Variants in ZFAT observed in about 807,000 individuals in gnomAD.
ZFAT encodes the protein zinc finger and AT-hook domain containing.
Under a neutral mutation model 117.7 loss-of-function variants are expected in ZFAT, and 64 were observed. That is an observed-to-expected ratio of 0.54 (90% confidence interval 0.44 to 0.67). The LOEUF is 0.67. Ranked by LOEUF, ZFAT falls within the 30% of genes least tolerant of loss-of-function variation. The pLI is 0.00. For synonymous variants in ZFAT, 679 were observed against 615.0 expected (o/e 1.10, Z -1.54); for missense variants, 1,433 against 1,584.5 (o/e 0.90, Z 1.62).
intron 1 of ZFAT, among the ~76,000 whole-genome samples, chr8:134,684,825 C>T (rs1833242204): frequency 6.6e-6 from 1 of 152,100 alleles, no homozygotes; most frequent in Admixed American, 6.5e-5. Flanking sequence ...CCTCAAAGTG[C>T]CAGATTCCAG....
chr8:134,761,686 G>C, the ZFAT span, among the ~76,000 whole-genome samples: 1 of 151,426 alleles, frequency 6.6e-6, no homozygotes, highest in Non-Finnish European at 1.5e-5. Flanking sequence ...GCGACAAAGC[G>C]AGACTCCGTT....
chr8:134,640,099 C>A (rs536535057), intron 2 of ZFAT, among the ~76,000 whole-genome samples: 3 of 152,324 alleles, frequency 2.0e-5, no homozygotes, highest in Admixed American at 2.0e-4. Flanking sequence ...TCCCAGTCTG[C>A]AACTTTACCC....
the ZFAT span, among the ~76,000 whole-genome samples, chr8:134,806,275 G>A: frequency 1.3e-5 from 2 of 152,130 alleles, no homozygotes; most frequent in Non-Finnish European, 2.9e-5. Flanking sequence ...AATATTTAAC[G>A]GTTGCTCTCT....
chr8:134,624,669 A>G (rs887371824), intron 3 of ZFAT, among the ~76,000 whole-genome samples: 4 of 152,078 alleles, frequency 2.6e-5, no homozygotes, highest in African/African-American at 4.8e-5. Flanking sequence ...AAAAAATAGG[A>G]GGGGTCCTGC....
At chr8:134,638,422 G>A (rs1830360995) in intron 2 of ZFAT, among the ~76,000 whole-genome samples, 1 of 151,908 alleles carries the variant, frequency 6.6e-6, no homozygotes. Context: ...GGGGTGAGCG[G>A]GGGCCAGGCG....
chr8:134,565,425 G>A lies in ZFAT; in HGVS notation c.2888-4C>T. The A allele has an allele frequency of 6.2e-7, 1 of 1,611,852 alleles. No homozygotes were observed. The highest frequency in any genetic ancestry group is 8.5e-7 in the Non-Finnish European group (1 of 1,179,402). ...ACCGTGCACTTAAACTGCTTCCCTGGAAAGAAGCGGAGGACAAGATGAGCG... is the reference window on the plus strand; with the variant it reads ...ACCGTGCACTTAAACTGCTTCCCTGAAAAGAAGCGGAGGACAAGATGAGCG... On this transcript the variant is annotated splice_polypyrimidine_tract_variant and splice_region_variant and intron_variant, in intron 10 of 15. Transcript: ENST00000377838.
intron 1 of ZFAT, among the ~76,000 whole-genome samples, chr8:134,679,793 A>G (rs1414586092): frequency 6.6e-6 from 1 of 152,240 alleles, no homozygotes; most frequent in Non-Finnish European, 1.5e-5. Flanking sequence ...TTGCAGGGAC[A>G]CGGATGAAGC....
At chr8:134,732,123 T>C in the ZFAT span, among the ~76,000 whole-genome samples, 1 of 152,300 alleles carries the variant, frequency 6.6e-6, no homozygotes, top group Middle Eastern at 3.4e-3. Flanking sequence ...TGTATAAAAA[T>C]AAACTGTGAG....
chr8:134,611,461 G>T (rs1180108316), intron 3 of ZFAT, among the ~76,000 whole-genome samples: 1 of 152,242 alleles, frequency 6.6e-6, no homozygotes, highest in Admixed American at 6.5e-5. Context: ...AAAACCAGGG[G>T]AGGGCGTCAG....
intron 10 of ZFAT, among the ~76,000 whole-genome samples, chr8:134,579,502 C>A (rs1311012263): frequency 6.6e-6 from 1 of 152,124 alleles, no homozygotes; most frequent in East Asian, 1.9e-4. Context: ...AAACTGCCCC[C>A]ATGATTCAAT....
the ZFAT span, among the ~76,000 whole-genome samples, chr8:134,782,109 G>A: frequency 1.3e-5 from 2 of 152,140 alleles, no homozygotes; most frequent in African/African-American, 2.4e-5. Context: ...ATAAACCAGG[G>A]GTGGATTTAA....
Position 134,478,467 on chromosome 8 carries a change from G to C in ZFAT, c.*15C>G, listed in dbSNP as rs1474358413. On this transcript the variant is annotated 3_prime_UTR_variant, in exon 16 of 16. Coordinates refer to ENST00000377838, the MANE Select transcript of ZFAT (RefSeq NM_020863.4). This position sits in a 1 kb window ranked among gnomAD's most constrained non-coding sequence, Gnocchi z 5.2. ...TGGCAGCCCCGCCCTGTGGCCATCCGATGCCACATGTCCTCTAGAGTTCCT... is the reference window on the plus strand; with the variant it reads ...TGGCAGCCCCGCCCTGTGGCCATCCCATGCCACATGTCCTCTAGAGTTCCT... The C allele has an allele frequency of 6.4e-7, 1 of 1,551,988 alleles. No homozygotes were observed. The highest frequency in any genetic ancestry group is 2.4e-5 in the East Asian group (1 of 41,022).
chr8:134,811,160 T>C, the ZFAT span, among the ~76,000 whole-genome samples: 6 of 152,236 alleles, frequency 3.9e-5, no homozygotes, highest in African/African-American at 1.4e-4. Context: ...AAATTATTAA[T>C]TTCTTAATTC....
At chr8:134,747,165 T>C in the ZFAT span, among the ~76,000 whole-genome samples, 1 of 152,142 alleles carries the variant, frequency 6.6e-6, no homozygotes, top group Non-Finnish European at 1.5e-5. Flanking sequence ...CATGGCTCAC[T>C]GCAGCCTCGA....
chr8:134,562,433 G>A (rs1027760417), intron 11 of ZFAT, among the ~76,000 whole-genome samples: 2 of 152,214 alleles, frequency 1.3e-5, no homozygotes. Context: ...CAGGGAGAGA[G>A]TGATTATCAC....
At chr8:134,805,091 TAAAGAG>T in the ZFAT span, 11 of 279,912 alleles carry the variant, frequency 3.9e-5, no homozygotes, top group East Asian at 1.2e-3. Context: ...TGCTAATAAT[TAAAGAG>T]AAAGTGGTTC....
chr8:134,748,235 C>A, the ZFAT span, among the ~76,000 whole-genome samples: 152 of 152,300 alleles, frequency 1.0e-3, no homozygotes, highest in Non-Finnish European at 1.7e-3. Flanking sequence ...CCCCCTCTTC[C>A]ACCCTCCAGA....
the ZFAT span, among the ~76,000 whole-genome samples, chr8:134,771,360 C>T: frequency 6.6e-6 from 1 of 152,214 alleles, no homozygotes; most frequent in Non-Finnish European, 1.5e-5. Flanking sequence ...GCACCCAAGT[C>T]ACCTCTTGAA....
chr8:134,811,989 C>G, the ZFAT span, among the ~76,000 whole-genome samples: 5 of 151,910 alleles, frequency 3.3e-5, no homozygotes, highest in Non-Finnish European at 7.4e-5. Flanking sequence ...ACTAAAAATA[C>G]AAAAATTAGC....
Sources: allele counts gnomAD v4.1 joint callset (sites outside exome capture counted in the v4.1 genomes callset), GRCh38; gene constraint gnomAD v4.1.1; non-coding constraint Gnocchi (gnomAD v3.1); transcripts MANE v1.5; gene names NCBI Gene and HGNC (gene_info 2026-07-23, HGNC 2026-07-21).